Variants in MYH7 observed in about 807,000 individuals in gnomAD.
The protein encoded by MYH7 is myosin heavy chain 7.
MYH7 carries 129 observed loss-of-function variants against 225.4 expected under a neutral mutation model. That is an observed-to-expected ratio of 0.57 (90% CI 0.50 to 0.66). The LOEUF (loss-of-function observed/expected upper bound fraction) is 0.66, where lower values mean the gene tolerates loss of function less well. MYH7 is among the 30% of genes least tolerant of loss of function. The pLI is 0.00. For missense variants in MYH7, 1,649 were observed against 2,517.0 expected (o/e 0.66, Z 7.38); for synonymous variants, 971 against 1,007.6 (o/e 0.96, Z 0.69).
chr14:23,429,074 C>T lies in MYH7; in HGVS notation c.1288G>A (p.Ala430Thr). 13 of 1,614,188 alleles carry T rather than the reference C, an allele frequency of 8.1e-6. No individual in the cohort carries two copies. The highest frequency in any genetic ancestry group is 1.0e-5 in the Non-Finnish European group (12 of 1,180,038). ...CAGTTGAACATCCTCTCATACACTG[C>T]CTTGGCCAGTGCCCCAGTGGCATAT... Reference protein sequence around the residue: ...VIYATGALAKAVYERMFNWMV... With the variant: ...VIYATGALAKTVYERMFNWMV... The change falls in exon 14 of 40, where the codon GCA (alanine) becomes ACA (threonine). Residue 430 changes from alanine (A) to threonine (T), a missense_variant. Ala to Thr is a moderately conservative substitution (Grantham distance 58, BLOSUM62 0). Around this residue, in one of 12 missense-constraint regions of MYH7, gnomAD observed 76 missense variants for 233.8 expected, o/e 0.33. Transcript: ENST00000355349.
chr14:23,433,646 C>A lies in MYH7; in HGVS notation c.87G>T (p.Arg29Ser), dbSNP rs2138686842. Residue 29 changes from arginine (R) to serine (S), a missense_variant, in exon 3 of 40, where the codon AGG becomes AGT. This residue lies in a region of MYH7 where 91 missense variants were observed against 96.5 expected (regional missense o/e 0.94). Coordinates refer to ENST00000355349, the MANE Select transcript of MYH7 (RefSeq NM_000257.4). This position sits in a 1 kb window ranked among gnomAD's most constrained non-coding sequence, Gnocchi z 4.1. ...SEKERLEAQT[R>S]PFDLKKDVFV... ...AGACATCCTTCTTGAGGTCAAAAGGCCTGGTCTGCGCTTCTAGCCGCTCCT... is the reference window on the plus strand; with the variant it reads ...AGACATCCTTCTTGAGGTCAAAAGGACTGGTCTGCGCTTCTAGCCGCTCCT... The A allele has an allele frequency of 6.2e-7, 1 of 1,614,268 alleles. No individual in the cohort carries two copies. The highest frequency in any genetic ancestry group is 8.5e-7 in the Non-Finnish European group (1 of 1,180,052).
chr14:23,425,142 C>T lies in MYH7; in HGVS notation c.2424-118G>A. ...TCCCACCCTTCCTGAGGCCTCTGAC[C>T]CTGTGACTGCAGTGTGTTCATATGA... is the stretch of plus-strand genomic sequence containing the variant. On this transcript the variant is annotated intron_variant, in intron 21 of 39. Transcript: ENST00000355349. This position sits in a 1 kb window ranked among gnomAD's most constrained non-coding sequence, Gnocchi z 4.6. The T allele has an allele frequency of 1.3e-6, 2 of 1,599,272 alleles. No homozygotes were observed. Among genetic ancestry groups the T allele is most frequent in the Non-Finnish European group, 1.7e-6 (2 of 1,168,734 alleles).
rs1248459607 is a variant in MYH7, at chr14:23,420,029, G to A, written c.3542C>T (p.Ala1181Val). 1.3e-6 allele frequency: 2 copies of A among 1,575,578 alleles called. No individual in the cohort carries two copies. Among genetic ancestry groups the A allele is most frequent in the Non-Finnish European group, 1.7e-6 (2 of 1,155,214 alleles). ...GGCAGTGGCCTCGTGCTGCAGCGTG[G>A]CCTCCTCCAGGTCCCGCCGCATCTT... ...FQKMRRDLEE[A>V]TLQHEATAAA... The change falls in exon 27 of 40, where the codon GCC (alanine) becomes GTC (valine). Residue 1181 changes from alanine to valine, a missense_variant. This residue lies in a region of MYH7 where 106 missense variants were observed against 198.8 expected (regional missense o/e 0.53). Transcript: ENST00000355349.
Position 23,426,861 on chromosome 14 carries a change from T to G in MYH7, c.1960A>C (p.Asn654His). 6.2e-7 allele frequency: 1 copy of G among 1,613,882 alleles called. No homozygotes were observed. The highest frequency in any genetic ancestry group is 8.5e-7 in the Non-Finnish European group (1 of 1,179,966). The change falls in exon 18 of 40, where the codon AAT becomes CAT. Residue 654 changes from asparagine to histidine, a missense_variant. Around this residue, in one of 12 missense-constraint regions of MYH7, gnomAD observed 112 missense variants for 161.9 expected, o/e 0.69. Coordinates refer to ENST00000355349, the MANE Select transcript of MYH7 (RefSeq NM_000257.4). ...FQTVSALHRE[N>H]LNKLMTNLRS... ...AAGTTGGTCATCAGCTTGTTCAGATTTTCCTGTGGCCAAAAATGCAATAGA... is the reference window on the plus strand; with the variant it reads ...AAGTTGGTCATCAGCTTGTTCAGATGTTCCTGTGGCCAAAAATGCAATAGA...
In MYH7 at chr14:23,415,806, T is replaced by G. The variant is rs112943492; in HGVS notation, c.4980A>C (p.Ala1660=). The stretch of plus-strand genomic sequence containing the variant: ...CCTTCAGGTCGTCGTTGGCACGGAC[T>G]GCATCGTCCAGCTGAATCTGGGTGT... ...LKDTQIQLDD[A]VRANDDLKEN... Residue 1660 remains alanine (A), a synonymous_variant, in exon 35 of 40, where the codon GCA becomes GCC. Coordinates refer to ENST00000355349, the MANE Select transcript of MYH7 (RefSeq NM_000257.4). This position sits in a 1 kb window ranked among gnomAD's most constrained non-coding sequence, Gnocchi z 6.3. 34 of 1,614,052 alleles carry G rather than the reference T, an allele frequency of 2.1e-5. No individual in the cohort carries two copies. The African/African-American group carries it at 3.7e-4, about 18-fold the overall frequency.
chr14:23,423,768 G>A, intron 23 of MYH7, 45 bp from the exon 24 acceptor site: 3 of 1,613,484 alleles, frequency 1.9e-6, no homozygotes, highest in Non-Finnish European at 2.5e-6. Flanking sequence ...AAGGTCACCA[G>A]CTTGGTGCCA....
chr14:23,419,027 G>GT, intron 29 of MYH7, 150 bp downstream of exon 29: 1 of 787,834 alleles, frequency 1.3e-6, no homozygotes, highest in Non-Finnish European at 2.2e-6. Context: ...TAGATGGCAT[G>GT]TGGCAGGGTT....
chr14:23,416,392 A>T, intron 33 of MYH7, 80 bp from the exon 34 acceptor site: 1 of 1,465,926 alleles, frequency 6.8e-7, no homozygotes, highest in Non-Finnish European at 9.3e-7. Flanking sequence ...CTAATCATGG[A>T]TACGAAGTGA....
chr14:23,428,378 G>A, intron 15 of MYH7, 122 bp downstream of exon 15: 2 of 1,496,252 alleles, frequency 1.3e-6, no homozygotes, highest in Non-Finnish European at 1.8e-6. Flanking sequence ...GGAACCAAGG[G>A]CTCGGATCCT....
intron 14 of MYH7, 25 bp downstream of exon 14, chr14:23,428,930 C>T (rs749762852): frequency 2.5e-6 from 4 of 1,614,170 alleles, no homozygotes; most frequent in Admixed American, 3.3e-5. Context: ...TGATTGTTCT[C>T]CCACTCCCAG....
intron 24 of MYH7, among the ~76,000 whole-genome samples, chr14:23,422,680 G>C (rs1338360943): frequency 1.4e-5 from 2 of 141,514 alleles, no homozygotes; most frequent in East Asian, 2.1e-4. Flanking sequence ...CGCCAGGCTG[G>C]AGTGCAGTGG....
intron 15 of MYH7, 42 bp downstream of exon 15, chr14:23,428,458 G>A: frequency 1.2e-6 from 2 of 1,613,348 alleles, no homozygotes; most frequent in Non-Finnish European, 1.7e-6. Flanking sequence ...TGTTCTTGTT[G>A]GGTGTGCAGG....
At position 23,425,835 on chromosome 14, in the gene MYH7, C is replaced by A; in HGVS notation, c.2163-17G>T. 1.9e-6 allele frequency: 3 copies of A among 1,613,820 alleles called. No individual in the cohort carries two copies. The highest frequency in any genetic ancestry group is 2.5e-6 in the Non-Finnish European group (3 of 1,179,898). On this transcript the variant is annotated splice_polypyrimidine_tract_variant and intron_variant, in intron 19 of 39. Coordinates refer to ENST00000355349, the MANE Select transcript of MYH7 (RefSeq NM_000257.4). The surrounding 1 kb of genome is among the most constrained non-coding windows in gnomAD (Gnocchi z 4.6). The stretch of plus-strand genomic sequence containing the variant: ...ATGCGATACCTGAGGAGGGAAGTGT[C>A]CAGAGTCACCCATGCTCTGCAGTGA...
At position 23,413,566 on chromosome 14, in the gene MYH7, CA is replaced by C. The variant is rs4048657; in HGVS notation, c.5790+192del. ...TGGGCGGCAGAGTGAGACACCGTCTCAAAAAAAAAAAAAAAAAAAGTTAGAG... is the reference window on the plus strand; with the variant it reads ...TGGGCGGCAGAGTGAGACACCGTCTCAAAAAAAAAAAAAAAAAAGTTAGAG... On this transcript the variant is annotated intron_variant, in intron 39 of 39. Coordinates refer to ENST00000355349, the MANE Select transcript of MYH7 (RefSeq NM_000257.4). Among the ~76,000 whole-genome samples the C allele has an allele frequency of 3.4e-3, 377 of 109,708 alleles. 1 individual carries two copies. Among genetic ancestry groups the C allele is most frequent in the Middle Eastern group, 5.2e-3 (1 of 192 alleles). The allele number at this position is 109,708 out of a possible 152,430, so 72.0% of individuals were successfully genotyped here.
In MYH7 at chr14:23,425,256, G is replaced by C. The variant is rs781497780; in HGVS notation, c.2423+26C>G. On this transcript the variant is annotated intron_variant, in intron 21 of 39. Coordinates refer to ENST00000355349, the MANE Select transcript of MYH7 (RefSeq NM_000257.4). This position sits in a 1 kb window ranked among gnomAD's most constrained non-coding sequence, Gnocchi z 4.6. ...AACCAGCCTGGGCCTCAGAGAAGCGGGAAACCTCCTCTTGAGATCTCTCAC... is the reference window on the plus strand; with the variant it reads ...AACCAGCCTGGGCCTCAGAGAAGCGCGAAACCTCCTCTTGAGATCTCTCAC... 1.9e-6 allele frequency: 3 copies of C among 1,614,118 alleles called. No homozygotes were observed. Among genetic ancestry groups the C allele is most frequent in the Non-Finnish European group, 2.5e-6 (3 of 1,180,020 alleles).
intron 2 of MYH7, 128 bp downstream of exon 2, chr14:23,434,066 A>G (rs1893058820): frequency 2.7e-5 from 16 of 590,998 alleles, no homozygotes; most frequent in Non-Finnish European, 4.0e-5. Flanking sequence ...GGTCACAGGT[A>G]AGTAGCTCTT....
At chr14:23,428,724 TG>T in intron 14 of MYH7, 54 bp from the exon 15 acceptor site, 1 of 1,612,926 alleles carries the variant, frequency 6.2e-7, no homozygotes, top group Non-Finnish European at 8.5e-7. Context: ...GAGTGGCCAT[TG>T]GGGCTGTGCC....
In MYH7 at chr14:23,423,436, AACACAC is replaced by A. The variant is rs61677533; in HGVS notation, c.3099+105_3099+110del. ...CTACCCCCCTCTAAACATAAACACA[AACACAC>A]ACACACACACACACACACACACACA... is the stretch of plus-strand genomic sequence containing the variant. On this transcript the variant is annotated intron_variant, in intron 24 of 39. Coordinates refer to ENST00000355349, the MANE Select transcript of MYH7 (RefSeq NM_000257.4). 82,604 of 815,856 alleles carry A rather than the reference AACACAC, an allele frequency of 0.1. 432 individuals are homozygous for A. The highest frequency in any genetic ancestry group is 0.16 in the East Asian group (5,779 of 37,190). The allele number at this position is 815,856 out of a possible 1,614,324, so 50.5% of individuals were successfully genotyped here. A position where few individuals can be genotyped will look rare whatever the true frequency, so the allele number is the denominator to read the frequency against.
intron 30 of MYH7, 43 bp downstream of exon 30, chr14:23,418,167 T>C (rs758665115): frequency 1.2e-6 from 2 of 1,613,320 alleles, no homozygotes; most frequent in South Asian, 1.1e-5. Flanking sequence ...GAGTCCTGCC[T>C]GCAAAGGGGC....
Sources: gnomAD v4.1 joint callset for allele counts (sites outside exome capture counted in the v4.1 genomes callset) on GRCh38, gnomAD v4.1.1 for gene constraint, gnomAD v4.1.1 regional missense constraint, Gnocchi (gnomAD v3.1) non-coding constraint, MANE v1.5 for transcripts, NCBI Gene and HGNC (gene_info 2026-07-23, HGNC 2026-07-21) for gene names.